SPEF2: variants seen among roughly 807,000 people sequenced by gnomAD.
SPEF2 encodes sperm flagella and cilia-associated protein 2.
SPEF2 carries 187 observed loss-of-function variants against 224.6 expected under a neutral mutation model. The ratio of observed to expected loss-of-function variants is 0.83; its 90% CI spans 0.74 to 0.94. The LOEUF is 0.94. SPEF2 is among the 40% of genes least tolerant of loss of function. The pLI, the probability that SPEF2 is intolerant of heterozygous loss-of-function variation, is 0.00. For missense variants in SPEF2, 2,170 were observed against 2,135.6 expected, an observed-to-expected ratio of 1.02 and a Z score of -0.32; for synonymous variants, 715 against 707.3, an observed-to-expected ratio of 1.01 and a Z score of -0.17.
intron 12 of SPEF2, 98 bp from the exon 13 acceptor site, chr5:35,694,190 A>G: frequency 2.3e-6 from 2 of 867,830 alleles, no homozygotes; most frequent in Admixed American, 5.1e-5. Flanking sequence ...AAAGTATTGT[A>G]TTTGTTCTCA....
chr5:35,619,191 C>T (rs545652985), intron 1 of SPEF2, among the ~76,000 whole-genome samples: 2 of 152,284 alleles, frequency 1.3e-5, no homozygotes, highest in East Asian at 3.9e-4. Context: ...TGGTATTCTA[C>T]GATTATCCCA....
At chr5:35,644,333 T>C in intron 3 of SPEF2, 22 bp from the exon 4 acceptor site, 1 of 1,484,190 alleles carries the variant, frequency 6.7e-7, no homozygotes, top group African/African-American at 1.4e-5. Context: ...ATAAAATCTT[T>C]TGAAATGCTT....
At chr5:35,691,874 A>G (rs1436360049) in intron 11 of SPEF2, among the ~76,000 whole-genome samples, 1 of 152,028 alleles carries the variant, frequency 6.6e-6, no homozygotes, top group African/African-American at 2.4e-5. Context: ...ATCTCGGCCC[A>G]CTGCAACCTC....
chr5:35,731,588 G>A (rs1241527927), intron 21 of SPEF2, among the ~76,000 whole-genome samples: 1 of 152,140 alleles, frequency 6.6e-6, no homozygotes, highest in East Asian at 1.9e-4. Flanking sequence ...TGACAGAGAG[G>A]AAGTCAAATT....
Position 35,617,988 on chromosome 5 carries a change from C to A in SPEF2, c.-10C>A, listed in dbSNP as rs369961939. The A allele has an allele frequency of 6.4e-7, 1 of 1,574,736 alleles. No individual in the cohort carries two copies. The highest frequency in any genetic ancestry group is 8.6e-7 in the Non-Finnish European group (1 of 1,157,510). ...AGCCCCCGCCTGCGGTCTGAGGCAC[C>A]GGCTGAACCATGTCGGAGATCCTGT... On this transcript the variant is annotated 5_prime_UTR_variant, in exon 1 of 37. Transcript: ENST00000356031.
At chr5:35,675,552 G>A (rs1356766814) in intron 10 of SPEF2, 2 of 149,742 alleles carry the variant, frequency 1.3e-5, no homozygotes, top group African/African-American at 5.0e-5. Flanking sequence ...TTTTTGAGAG[G>A]GAGTCTCGCT....
At chr5:35,751,368 A>G (rs1177893397) in intron 23 of SPEF2, among the ~76,000 whole-genome samples, 1 of 151,042 alleles carries the variant, frequency 6.6e-6, no homozygotes, top group Non-Finnish European at 1.5e-5. Flanking sequence ...GGTGCAGTGT[A>G]TACTGCTCAT....
intron 32 of SPEF2, among the ~76,000 whole-genome samples, chr5:35,793,626 T>C (rs1217824277): frequency 1.3e-5 from 2 of 152,148 alleles, no homozygotes; most frequent in Admixed American, 1.3e-4. Context: ...TCCTAACCAG[T>C]AGTTCTTATC....
chr5:35,776,592 G>A (rs1442516632), intron 29 of SPEF2, among the ~76,000 whole-genome samples, 197 bp downstream of exon 29: 1 of 152,090 alleles, frequency 6.6e-6, no homozygotes, highest in Non-Finnish European at 1.5e-5. Context: ...AGTAAATCAT[G>A]CATCAAAGGG....
In SPEF2 at chr5:35,628,531, C is replaced by A; in HGVS notation, c.130C>A (p.Gln44Lys). Residue 44 changes from glutamine to lysine, a missense_variant, in exon 2 of 37, where the codon CAG (glutamine) becomes AAG (lysine). By Grantham distance (53) the Gln-to-Lys change is moderately conservative. Transcript: ENST00000356031. ...AGAAGTTCTACACAAGTTTGAACTT[C>A]AGGATGATTTTTCAGAATTTTTGGA... ...LGEVLHKFELQDDFSEFLDSR... is the reference protein window; with the variant it reads ...LGEVLHKFELKDDFSEFLDSR... 3 of 1,613,728 alleles carry A rather than the reference C, an allele frequency of 1.9e-6. No individual in the cohort carries two copies. The highest frequency in any genetic ancestry group is 2.5e-6 in the Non-Finnish European group (3 of 1,179,776).
In SPEF2 at chr5:35,700,744, A is replaced by G. The variant is rs201730485; in HGVS notation, c.2390A>G (p.Asp797Gly). 7.8e-4 allele frequency: 1,261 copies of G among 1,613,526 alleles called. 2 individuals are homozygous for G. The highest frequency in any genetic ancestry group is 1.0e-3 in the South Asian group (92 of 91,056). The change falls in exon 16 of 37, where the codon GAT (aspartate) becomes GGT (glycine). Residue 797 changes from aspartate to glycine, a missense_variant. By Grantham distance (94) the Asp-to-Gly change is moderately conservative. Transcript: ENST00000356031. ...ACTTCCTCAATGAGTCGCATGAATG[A>G]TATTATAGGTAAGCTGGACACCTTT... The part of the protein sequence containing the change: ...SDTSSMSRMN[D>G]IIAEELSYKT...
intron 10 of SPEF2, among the ~76,000 whole-genome samples, chr5:35,690,462 TC>T: frequency 6.6e-6 from 1 of 152,294 alleles, no homozygotes; most frequent in Non-Finnish European, 1.5e-5. Context: ...AGAATGCTTT[TC>T]CTTTTAAATA....
At chr5:35,807,055 T>C in intron 35 of SPEF2, 76 bp from the exon 36 acceptor site, 1 of 1,563,762 alleles carries the variant, frequency 6.4e-7, no homozygotes, top group African/African-American at 1.4e-5. Flanking sequence ...AGAATCTCTT[T>C]AGTAAATACA....
rs373243497 is a variant in SPEF2 at position 35,659,114 on chromosome 5, A to G, written c.1074A>G (p.Glu358=). The change falls in exon 8 of 37, where the codon GAA becomes GAG. Residue 358 remains glutamate (E), a synonymous_variant. Transcript: ENST00000356031. ...TGCAGCTCATGCATGTTCGGCATGA[A>G]AAGGAAGTTTTATGGCAAAACAGAA... The part of the protein sequence containing the change: ...IAVQLMHVRH[E]KEVLWQNRIF... 6.2e-7 allele frequency: 1 copy of G among 1,613,204 alleles called. No homozygotes were observed. Among genetic ancestry groups the G allele is most frequent in the Non-Finnish European group, 8.5e-7 (1 of 1,179,520 alleles).
At chr5:35,804,297 T>A (rs1757797957) in intron 34 of SPEF2, among the ~76,000 whole-genome samples, 1 of 152,236 alleles carries the variant, frequency 6.6e-6, no homozygotes, top group South Asian at 2.1e-4. Context: ...GTTAGCCAAG[T>A]GTGACATAGT....
intron 19 of SPEF2, chr5:35,709,467 A>G: frequency 2.2e-5 from 22 of 1,015,390 alleles, no homozygotes; most frequent in Non-Finnish European, 2.6e-5. Flanking sequence ...AGTTACATTT[A>G]TGTAATGAGT....
chr5:35,771,160 T>TAAA (rs199671316), intron 26 of SPEF2, among the ~76,000 whole-genome samples: 1 of 145,096 alleles, frequency 6.9e-6, no homozygotes, highest in African/African-American at 2.5e-5. Context: ...AATAAAAAAA[T>TAAA]AAAAAAAAAA....
chr5:35,623,927 T>G (rs535955998), intron 1 of SPEF2, among the ~76,000 whole-genome samples: 2 of 152,296 alleles, frequency 1.3e-5, no homozygotes, highest in East Asian at 3.9e-4. Context: ...AAAACTACTC[T>G]TATAAGGTAG....
At chr5:35,776,189 G>T in intron 28 of SPEF2, 68 bp from the exon 29 acceptor site, 3 of 1,478,744 alleles carry the variant, frequency 2.0e-6, no homozygotes, top group Non-Finnish European at 2.7e-6. Flanking sequence ...GTTTCAAAGT[G>T]AATCTGTTCA....
Sources: allele counts gnomAD v4.1 joint callset (sites outside exome capture counted in the v4.1 genomes callset), GRCh38; gene constraint gnomAD v4.1.1; transcripts MANE v1.5; gene names NCBI Gene and HGNC (gene_info 2026-07-23, HGNC 2026-07-21).